Variants in KIFC2 observed in about 807,000 individuals in gnomAD.
The protein encoded by KIFC2 is kinesin family member C2, also known as kinesin-like protein KIFC2.
Under a neutral mutation model 91.5 loss-of-function variants are expected in KIFC2, and 94 were observed. That is an observed-to-expected ratio of 1.03 (90% confidence interval 0.87 to 1.22). KIFC2 has a LOEUF of 1.22. Among genes scored for constraint, KIFC2 ranks in the 50% most tolerant of loss-of-function variants. KIFC2 has a pLI of 0.00. For synonymous variants in KIFC2, 729 were observed against 503.9 expected, an observed-to-expected ratio of 1.45 and a Z score of -5.98; for missense variants, 1,357 against 1,103.3, an observed-to-expected ratio of 1.23 and a Z score of -3.26.
At chr8:144,468,201 C>T (rs560505519) in intron 7 of KIFC2, 128 bp from the exon 8 acceptor site, 9 of 1,034,040 alleles carry the variant, frequency 8.7e-6, no homozygotes, top group African/African-American at 8.0e-5. Flanking sequence ...GGAAGGAGGT[C>T]TGCGTGGAGC....
chr8:144,469,170 G>A (rs1201269972), intron 10 of KIFC2, 101 bp from the exon 11 acceptor site: 12 of 946,042 alleles, frequency 1.3e-5, no homozygotes, highest in Admixed American at 2.6e-5. Flanking sequence ...ACAGCTGAGC[G>A]GGCCTGTGGG....
rs1360252393 is a variant in KIFC2 at position 144,473,353 on chromosome 8, C to G, written c.2340C>G (p.Gly780=). The G allele has an allele frequency of 1.3e-6, 2 of 1,582,600 alleles. No homozygotes were observed. The highest frequency in any genetic ancestry group is 1.1e-5 in the South Asian group (1 of 87,202). The change falls in exon 18 of 18, where the codon GGC becomes GGG. Residue 780 remains glycine, a synonymous_variant. Transcript: ENST00000645548. ...GCCCCAGTCCCGACAACGGCTCGGG[C>G]TCGGCTCTCGCGCCCGCAGAGGGCC... ...PPCPSPDNGS[G]SALAPAEGLP...
rs367959922 is a variant in KIFC2 at position 144,467,843 on chromosome 8, G to C, written c.682-16G>C. On this transcript the variant is annotated splice_polypyrimidine_tract_variant and intron_variant, in intron 6 of 17. Coordinates refer to ENST00000645548, the MANE Select transcript of KIFC2 (RefSeq NM_001369769.2). ...GGGGGTGCTTCAGGTGAGTGCCGAG[G>C]TTTCCTCTCCACCAGGGGGCGACGG... 1.2e-6 allele frequency: 2 copies of C among 1,613,480 alleles called. No individual in the cohort carries two copies. Among genetic ancestry groups the C allele is most frequent in the Non-Finnish European group, 1.7e-6 (2 of 1,179,852 alleles).
At chr8:144,466,699 A>C in intron 1 of KIFC2, 61 bp from the exon 2 acceptor site, 1 of 1,353,632 alleles carries the variant, frequency 7.4e-7, no homozygotes, top group South Asian at 1.4e-5. Flanking sequence ...CGGTTCGCGG[A>C]GGGAAGGGGC....
rs1381541857 is a variant in KIFC2, at chr8:144,472,931, A to G, written c.1998A>G (p.Leu666=). The G allele has an allele frequency of 2.0e-6, 3 of 1,487,140 alleles. No individual in the cohort carries two copies. The highest frequency in any genetic ancestry group is 2.7e-5 in the East Asian group (1 of 37,148). 92.1% of individuals were successfully genotyped at this position (1,487,140 alleles called of 1,614,324 possible). A position where few individuals can be genotyped will look rare whatever the true frequency, so the allele number is the denominator to read the frequency against. Reference sequence around the variant, plus strand: ...CCATAAACCGCTCGCTGCTGGCGCTAGGAGGCGTGATGGCCGCACTGCGGG... The same window carrying G: ...CCATAAACCGCTCGCTGCTGGCGCTGGGAGGCGTGATGGCCGCACTGCGGG... ...AQTINRSLLA[L]GGVMAALRAH... The change falls in exon 17 of 18, where the codon CTA becomes CTG. Residue 666 remains leucine, a synonymous_variant. Coordinates refer to ENST00000645548, the MANE Select transcript of KIFC2 (RefSeq NM_001369769.2).
At chr8:144,471,856 C>T in intron 12 of KIFC2, 86 bp from the exon 13 acceptor site, 1 of 1,192,278 alleles carries the variant, frequency 8.4e-7, no homozygotes, top group Non-Finnish European at 1.2e-6. Flanking sequence ...CTCACACCTG[C>T]CTTCGTGGCA....
In KIFC2 at chr8:144,473,750, C is replaced by T. The variant is rs958914878; in HGVS notation, c.*361C>T. The stretch of plus-strand genomic sequence containing the variant: ...CATGGCATTAAAACGTTGCAAATTC[C>T]TTTACTGTTATCCCCCCCACCACCA... On this transcript the variant is annotated 3_prime_UTR_variant, in exon 18 of 18. Coordinates refer to ENST00000645548, the MANE Select transcript of KIFC2 (RefSeq NM_001369769.2). The T allele has an allele frequency of 4.7e-6, 2 of 428,432 alleles. No individual in the cohort carries two copies. The highest frequency in any genetic ancestry group is 4.1e-5 in the Admixed American group (1 of 24,468). The allele number at this position is 428,432 out of a possible 1,614,324, so 26.5% of individuals were successfully genotyped here. A position where few individuals can be genotyped will look rare whatever the true frequency, so the allele number is the denominator to read the frequency against.
At position 144,473,673 on chromosome 8, in the gene KIFC2, GC is replaced by G. The variant is rs370490193; in HGVS notation, c.*291del. The G allele has an allele frequency of 5.6e-3, 2,731 of 486,094 alleles. 51 individuals are homozygous for G. Among genetic ancestry groups the G allele is most frequent in the African/African-American group, 0.036 (1,764 of 49,054 alleles). 30.1% of individuals were successfully genotyped at this position (486,094 alleles called of 1,614,324 possible). A position where few individuals can be genotyped will look rare whatever the true frequency, so the allele number is the denominator to read the frequency against. On this transcript the variant is annotated 3_prime_UTR_variant, in exon 18 of 18. Coordinates refer to ENST00000645548, the MANE Select transcript of KIFC2 (RefSeq NM_001369769.2). ...CACGGCACACAGCAGGGAATCCCAGGCCCCCCCGCCAAGTGGTTACCCAAGT... is the reference window on the plus strand; with the variant it reads ...CACGGCACACAGCAGGGAATCCCAGGCCCCCCGCCAAGTGGTTACCCAAGT...
At position 144,470,935 on chromosome 8, in the gene KIFC2, T is replaced by C. The variant is rs78910693; in HGVS notation, c.1381-1007T>C. Among the ~76,000 whole-genome samples the C allele has an allele frequency of 8.8e-4, 134 of 151,980 alleles. 1 individual carries two copies. The East Asian group carries it at 0.026, about 29-fold the overall frequency. ...TCCAATCATACCCAGGTTTGAACCG[T>C]GCAGTCACGCCCCAACATCTGGGCT... On this transcript the variant is annotated intron_variant, in intron 12 of 17. Coordinates refer to ENST00000645548, the MANE Select transcript of KIFC2 (RefSeq NM_001369769.2).
rs1412733144 is a variant in KIFC2 at position 144,467,593 on chromosome 8, G to A, written c.578G>A (p.Arg193Lys). Residue 193 changes from arginine to lysine, a missense_variant, in exon 5 of 18, where the codon AGG (arginine) becomes AAG (lysine). Physicochemically the swap from Arg to Lys is conservative, Grantham distance 26. Coordinates refer to ENST00000645548, the MANE Select transcript of KIFC2 (RefSeq NM_001369769.2). ...QQPLQLEEDQ[R>K]AWQRLEQLIL... ...CCCCTCCAGTTGGAGGAGGATCAGAGGGCGTGGCAGCGGCTGGAGCAGCTC... is the reference window on the plus strand; with the variant it reads ...CCCCTCCAGTTGGAGGAGGATCAGAAGGCGTGGCAGCGGCTGGAGCAGCTC... 4 of 1,601,000 alleles carry A rather than the reference G, an allele frequency of 2.5e-6. No homozygotes were observed. Among genetic ancestry groups the A allele is most frequent in the South Asian group, 2.2e-5 (2 of 89,468 alleles).
In KIFC2 at chr8:144,473,114, C is replaced by T. The variant is rs779184830; in HGVS notation, c.2119-18C>T. The T allele has an allele frequency of 1.7e-5, 26 of 1,547,800 alleles. No individual in the cohort carries two copies. Among genetic ancestry groups the T allele is most frequent in the Non-Finnish European group, 2.3e-5 (26 of 1,146,916 alleles). ...CGCCGCCCACCCGGGCCCGCCCACC[C>T]GCGCCTCTTGCCCGCAGATCTCCAC... On this transcript the variant is annotated intron_variant, in intron 17 of 17. Transcript: ENST00000645548.
intron 1 of KIFC2, 112 bp downstream of exon 1, chr8:144,466,630 A>T: frequency 1.1e-6 from 1 of 886,978 alleles, no homozygotes; most frequent in Non-Finnish European, 1.5e-6. Context: ...GGCCGTGCCG[A>T]GGACCCTCGG....
rs1180354570 is a variant in KIFC2, at chr8:144,469,313, A to C, written c.1156A>C (p.Thr386Pro). The part of the protein sequence containing the change: ...LGALSSGGPG[T>P]QLPEGQQGPP... ...GGCACTGTCATCTGGAGGGCCTGGC[A>C]CTCAGCTCCCTGAGGGGCAGCAAGG... The change falls in exon 11 of 18, where the codon ACT becomes CCT. Residue 386 changes from threonine (T) to proline (P), a missense_variant. Coordinates refer to ENST00000645548, the MANE Select transcript of KIFC2 (RefSeq NM_001369769.2). 6.2e-7 allele frequency: 1 copy of C among 1,605,864 alleles called. No individual in the cohort carries two copies. The highest frequency in any genetic ancestry group is 1.1e-5 in the South Asian group (1 of 89,750).
At position 144,467,473 on chromosome 8, in the gene KIFC2, A is replaced by G. The variant is rs142124880; in HGVS notation, c.470-12A>G. The G allele has an allele frequency of 6.8e-5, 106 of 1,552,054 alleles. No individual in the cohort carries two copies. In the African/African-American group the frequency reaches 1.2e-3, roughly 18 times the overall value. On this transcript the variant is annotated splice_polypyrimidine_tract_variant and intron_variant, in intron 4 of 17. Transcript: ENST00000645548. The stretch of plus-strand genomic sequence containing the variant: ...GACCTCTTCAGTGCTAACTGGGCCC[A>G]CCCTACTCCAGGATCCACATCCCAA...
rs781154251 is a variant in KIFC2, at chr8:144,472,877, C to T, written c.1944C>T (p.Asp648=). 9.8e-6 allele frequency: 15 copies of T among 1,525,020 alleles called. No individual in the cohort carries two copies. The South Asian group carries it at 1.1e-4, about 11-fold the overall frequency. 94.5% of individuals were successfully genotyped at this position (1,525,020 alleles called of 1,614,324 possible). The change falls in exon 17 of 18, where the codon GAC becomes GAT. Residue 648 remains aspartate (D), a synonymous_variant. Transcript: ENST00000645548. The part of the protein sequence containing the change: ...GAAGPPRGDP[D]GARRLREAQT... ...CCGGCCCGCCGCGGGGAGACCCAGA[C>T]GGCGCCCGGCGCCTGCGGGAGGCCC...
intron 12 of KIFC2, 89 bp from the exon 13 acceptor site, chr8:144,471,853 C>G: frequency 8.6e-7 from 1 of 1,158,846 alleles, no homozygotes; most frequent in Non-Finnish European, 1.3e-6. Context: ...CTGCTCACAC[C>G]TGCCTTCGTG....
At position 144,467,000 on chromosome 8, in the gene KIFC2, G is replaced by C; in HGVS notation, c.220G>C (p.Gly74Arg). ...GGATGGGTCGGAAGGCGCAGCCGAG[G>C]GCCGCGCGGCCGCGGTGTCCCTGGA... ...PEDGSEGAAEGRAAAVSLEEA... is the reference protein window; with the variant it reads ...PEDGSEGAAERRAAAVSLEEA... The change falls in exon 3 of 18, where the codon GGC (glycine) becomes CGC (arginine). Residue 74 changes from glycine (G) to arginine (R), a missense_variant. Transcript: ENST00000645548. The C allele has an allele frequency of 6.3e-7, 1 of 1,596,470 alleles. No individual in the cohort carries two copies.
chr8:144,471,779 G>A (rs1025315465), intron 12 of KIFC2, among the ~76,000 whole-genome samples, 163 bp from the exon 13 acceptor site: 1 of 152,128 alleles, frequency 6.6e-6, no homozygotes, highest in East Asian at 1.9e-4. Flanking sequence ...GGGAGACAGA[G>A]GGTCTCTGTA....
Position 144,469,353 on chromosome 8 carries a change from G to A in KIFC2, c.1196G>A (p.Cys399Tyr). The change falls in exon 11 of 18, where the codon TGC (cysteine) becomes TAC (tyrosine). Residue 399 changes from cysteine to tyrosine, a missense_variant. Cys to Tyr is a radical substitution (Grantham distance 194). Coordinates refer to ENST00000645548, the MANE Select transcript of KIFC2 (RefSeq NM_001369769.2). Reference sequence around the variant, plus strand: ...GGGCAGCAAGGGCCCCCAGCCGGATGCCCAGGGCGGCTGCCAGAACTCAAG... The same window carrying A: ...GGGCAGCAAGGGCCCCCAGCCGGATACCCAGGGCGGCTGCCAGAACTCAAG... Reference protein sequence around the residue: ...PEGQQGPPAGCPGRLPELKGN... With the variant: ...PEGQQGPPAGYPGRLPELKGN... 6.2e-7 allele frequency: 1 copy of A among 1,610,000 alleles called. No individual in the cohort carries two copies. Among genetic ancestry groups the A allele is most frequent in the Non-Finnish European group, 8.5e-7 (1 of 1,178,920 alleles).
Sources: allele counts gnomAD v4.1 joint callset (sites outside exome capture counted in the v4.1 genomes callset), GRCh38; gene constraint gnomAD v4.1.1; transcripts MANE v1.5; gene names NCBI Gene and HGNC (gene_info 2026-07-23, HGNC 2026-07-21).